The following MAP1LC3B2 variants were observed in gnomAD, a reference collection of about 807,000 sequenced individuals.
MAP1LC3B2 encodes microtubule associated protein 1 light chain 3 beta 2.
For synonymous variants in MAP1LC3B2, 62 were observed against 57.8 expected (o/e 1.07, Z -0.33); for missense variants, 155 against 154.6 (o/e 1.00, Z -0.01).
chr12:116,569,159 G>C (rs1332190659), intron 1 of MAP1LC3B2, among the ~76,000 whole-genome samples: 1 of 152,002 alleles, frequency 6.6e-6, no homozygotes, highest in Admixed American at 6.6e-5. Flanking sequence ...ACCGCGCCCG[G>C]CCAATTTCTT....
intron 1 of MAP1LC3B2, among the ~76,000 whole-genome samples, chr12:116,560,615 T>C (rs777795674): frequency 1.3e-5 from 2 of 152,062 alleles, no homozygotes; most frequent in African/African-American, 2.4e-5. Flanking sequence ...AGAAAAGATA[T>C]GTCCACAGTC....
At chr12:116,566,722 A>G (rs1420024510) in intron 1 of MAP1LC3B2, among the ~76,000 whole-genome samples, 3 of 150,648 alleles carry the variant, frequency 2.0e-5, no homozygotes, top group Non-Finnish European at 4.4e-5. Context: ...ACCTGAGGTC[A>G]GGAGTTCGAG....
chr12:116,571,458 C>CTTTTTTTTTTTTTTTTTTTTT (rs71095564), intron 1 of MAP1LC3B2, among the ~76,000 whole-genome samples: 1 of 48,110 alleles, frequency 2.1e-5, no homozygotes, highest in Non-Finnish European at 3.4e-5. Context: ...GACTGCTGTT[C>CTTTTTTTTTTTTTTTTTTTTT]TTTTTTTTTT....
At chr12:116,562,240 G>A (rs1401336398) in intron 1 of MAP1LC3B2, among the ~76,000 whole-genome samples, 2 of 152,210 alleles carry the variant, frequency 1.3e-5, no homozygotes, top group East Asian at 3.8e-4. Flanking sequence ...TAGTGGGAGA[G>A]TCCTGACAAC....
chr12:116,568,818 T>C (rs1429795128), intron 1 of MAP1LC3B2, among the ~76,000 whole-genome samples: 2 of 152,122 alleles, frequency 1.3e-5, no homozygotes, highest in African/African-American at 2.4e-5. Flanking sequence ...GGCACCCTGA[T>C]ATTGGACTTC....
chr12:116,570,951 C>G (rs571756645), intron 1 of MAP1LC3B2, among the ~76,000 whole-genome samples: 3 of 152,168 alleles, frequency 2.0e-5, no homozygotes, highest in African/African-American at 7.2e-5. Context: ...GTTCTTCTAT[C>G]GGTTGCAATT....
intron 1 of MAP1LC3B2, among the ~76,000 whole-genome samples, chr12:116,571,045 G>A (rs965676820): frequency 1.3e-5 from 2 of 152,134 alleles, no homozygotes; most frequent in Non-Finnish European, 2.9e-5. Flanking sequence ...GGTTAAGGGA[G>A]GTTCAATACA....
chr12:116,574,786 C>A (rs1166801229), intron 1 of MAP1LC3B2, among the ~76,000 whole-genome samples: 1 of 151,470 alleles, frequency 6.6e-6, no homozygotes, highest in African/African-American at 2.4e-5. Flanking sequence ...GAACTCCTGA[C>A]CTCAAGTGAT....
At chr12:116,560,118 C>G (rs1869213334) in intron 1 of MAP1LC3B2, 1 of 147,970 alleles carries the variant, frequency 6.8e-6, no homozygotes, top group South Asian at 2.1e-4. Context: ...CCGATCCAAG[C>G]TGGTGGCGCT....
At chr12:116,560,374 G>C (rs752727717) in intron 1 of MAP1LC3B2, among the ~76,000 whole-genome samples, 2 of 151,428 alleles carry the variant, frequency 1.3e-5, no homozygotes, top group African/African-American at 4.9e-5. Context: ...TCAGCCTTCC[G>C]ACTAGCTGGG....
chr12:116,576,129 C>T lies in MAP1LC3B2; in HGVS notation c.187C>T (p.Leu63Phe), dbSNP rs759596549. 1.9e-6 allele frequency: 3 copies of T among 1,614,036 alleles called. No homozygotes were observed. Among genetic ancestry groups the T allele is most frequent in the Non-Finnish European group, 2.5e-6 (3 of 1,180,036 alleles). The change falls in exon 2 of 2, where the codon CTC (leucine) becomes TTC (phenylalanine). Residue 63 changes from leucine (L) to phenylalanine (F), a missense_variant. Coordinates refer to ENST00000556529, the MANE Select transcript of MAP1LC3B2 (RefSeq NM_001085481.3). ...ACCTGACCATGTCAACATGAGTGAG[C>T]TCATCAAGATAATTAGAAGGCGCTT... ...LVPDHVNMSE[L>F]IKIIRRRLQL...
At chr12:116,566,035 C>T (rs192209082) in intron 1 of MAP1LC3B2, among the ~76,000 whole-genome samples, 5 of 152,298 alleles carry the variant, frequency 3.3e-5, no homozygotes, top group Admixed American at 2.6e-4. Flanking sequence ...ACTTTCTCCA[C>T]AACAAATCCA....
In MAP1LC3B2 at chr12:116,576,005, A is replaced by G; in HGVS notation, c.63A>G (p.Arg21=). ...TCGAACAAAGAGTAGAAGATGTCCG[A>G]CTTATTCGAGAGCAGCATCCAACCA... ...RTFEQRVEDV[R]LIREQHPTKI... Residue 21 remains arginine (R), a synonymous_variant, in exon 2 of 2, where the codon CGA becomes CGG. Coordinates refer to ENST00000556529, the MANE Select transcript of MAP1LC3B2 (RefSeq NM_001085481.3). 1.2e-6 allele frequency: 2 copies of G among 1,614,240 alleles called. No homozygotes were observed. Among genetic ancestry groups the G allele is most frequent in the South Asian group, 2.2e-5 (2 of 91,088 alleles).
In MAP1LC3B2 at chr12:116,559,420, TC is replaced by T. The variant is rs958393626; in HGVS notation, c.-113del. 5 of 152,352 alleles carry T rather than the reference TC, an allele frequency of 3.3e-5. No individual in the cohort carries two copies. Among genetic ancestry groups the T allele is most frequent in the African/African-American group, 1.2e-4 (5 of 41,552 alleles). 9.4% of individuals were successfully genotyped at this position (152,352 alleles called of 1,614,324 possible). ...CACCTCTCGGGAGTGCAGGGCCAGA[TC>T]CTGTGCCAGCGGGTAGGAATATGTA... On this transcript the variant is annotated 5_prime_UTR_variant, in exon 1 of 2. Coordinates refer to ENST00000556529, the MANE Select transcript of MAP1LC3B2 (RefSeq NM_001085481.3).
chr12:116,569,571 T>C (rs4766796), intron 1 of MAP1LC3B2, among the ~76,000 whole-genome samples: 43,822 of 152,086 alleles, frequency 0.29, 7,906 homozygotes, highest in African/African-American at 0.48. Flanking sequence ...CTACCTTGTA[T>C]GTAACTATGT....
chr12:116,564,297 G>A (rs527779251), intron 1 of MAP1LC3B2, among the ~76,000 whole-genome samples: 2 of 152,250 alleles, frequency 1.3e-5, no homozygotes, highest in East Asian at 3.9e-4. Flanking sequence ...TTGGATGCTA[G>A]ACAATGTAGA....
At chr12:116,571,704 A>G (rs571368221) in intron 1 of MAP1LC3B2, among the ~76,000 whole-genome samples, 20 of 151,366 alleles carry the variant, frequency 1.3e-4, no homozygotes, top group Non-Finnish European at 1.8e-4. Context: ...GATGGTCTCG[A>G]TCTCCTAACC....
intron 1 of MAP1LC3B2, among the ~76,000 whole-genome samples, chr12:116,561,891 A>T (rs542172295): frequency 6.6e-6 from 1 of 152,224 alleles, no homozygotes; most frequent in Admixed American, 6.5e-5. Flanking sequence ...ACACAAGTGT[A>T]GTAAGGCTAT....
At chr12:116,573,526 T>C (rs556415967) in intron 1 of MAP1LC3B2, among the ~76,000 whole-genome samples, 8 of 152,318 alleles carry the variant, frequency 5.3e-5, no homozygotes, top group African/African-American at 1.9e-4. Context: ...CTTTTTCTTT[T>C]ATTATTTTTT....
Sources: gnomAD v4.1 joint callset for allele counts (sites outside exome capture counted in the v4.1 genomes callset) on GRCh38, gnomAD v4.1.1 for gene constraint, MANE v1.5 for transcripts, NCBI Gene and HGNC (gene_info 2026-07-23, HGNC 2026-07-21) for gene names.